The following TEAD4 variants were observed in gnomAD, a reference collection of about 807,000 sequenced individuals.
TEAD4 encodes TEA domain transcription factor 4, also known as transcriptional enhancer factor TEF-3.
A neutral mutation model predicts 52.4 loss-of-function variants in TEAD4; 36 were observed. That is an observed-to-expected ratio of 0.69 (90% CI 0.53 to 0.91). TEAD4 has a LOEUF of 0.91. Ranked by LOEUF, TEAD4 falls within the 40% of genes least tolerant of loss-of-function variation. TEAD4 has a pLI of 0.00. For missense variants in TEAD4, 508 were observed against 583.9 expected (o/e 0.87, Z 1.34); for synonymous variants, 220 against 231.0 (o/e 0.95, Z 0.43).
At chr12:2,963,430 A>G (rs1003892081) in intron 2 of TEAD4, among the ~76,000 whole-genome samples, 3 of 152,128 alleles carry the variant, frequency 2.0e-5, no homozygotes, top group Non-Finnish European at 4.4e-5. Flanking sequence ...CTTTGCCCCC[A>G]TGACCCTTTG....
intron 10 of TEAD4, among the ~76,000 whole-genome samples, chr12:3,034,365 G>A (rs142406621): frequency 1.3e-5 from 2 of 152,250 alleles, no homozygotes; most frequent in African/African-American, 4.8e-5. Context: ...GTGAACAGCC[G>A]CCTGCAACCT....
chr12:2,985,411 ACC>A (rs2098237403), intron 2 of TEAD4, among the ~76,000 whole-genome samples: 1 of 150,676 alleles, frequency 6.6e-6, no homozygotes, highest in South Asian at 2.1e-4. Flanking sequence ...AAAAAACAAA[ACC>A]CAAAAACGCA....
chr12:3,036,472 T>C (rs958243523), intron 10 of TEAD4, among the ~76,000 whole-genome samples: 37 of 152,190 alleles, frequency 2.4e-4, no homozygotes, highest in African/African-American at 8.7e-4. Context: ...GTAGAATTGC[T>C]TGGTGCCTGG....
chr12:3,035,640 C>T lies in TEAD4; in HGVS notation c.898-2328C>T, dbSNP rs145581056. On this transcript the variant is annotated intron_variant, in intron 10 of 12. Coordinates refer to ENST00000359864, the MANE Select transcript of TEAD4 (RefSeq NM_003213.4). ...AGTTTGAGACCAGCCTAGGAAACAG[C>T]GAGACCCTGCCTCTACAAAAAATTT... Among the ~76,000 whole-genome samples, 127 of 151,992 alleles carry T rather than the reference C, an allele frequency of 8.4e-4. No individual in the cohort carries two copies. In the East Asian group the frequency reaches 0.02, roughly 24 times the overall value.
At chr12:2,967,065 T>C (rs923718802) in intron 2 of TEAD4, among the ~76,000 whole-genome samples, 7 of 152,144 alleles carry the variant, frequency 4.6e-5, no homozygotes, top group African/African-American at 1.7e-4. Flanking sequence ...GAACCAGGGT[T>C]CAAAATCATC....
chr12:2,976,546 T>G (rs1009991170), intron 2 of TEAD4, among the ~76,000 whole-genome samples: 1 of 152,182 alleles, frequency 6.6e-6, no homozygotes, highest in Non-Finnish European at 1.5e-5. Flanking sequence ...CATCACAGCT[T>G]TGTCCAGAGG....
At position 3,021,712 on chromosome 12, in the gene TEAD4, C is replaced by T; in HGVS notation, c.724-132C>T. ...GTAGACTTTTACCATCTCTATTTTA[C>T]TCATGGGGAAACTATGGCCCAGAAA... On this transcript the variant is annotated intron_variant, in intron 9 of 12. Coordinates refer to ENST00000359864, the MANE Select transcript of TEAD4 (RefSeq NM_003213.4). 1.3e-5 allele frequency: 11 copies of T among 837,516 alleles called. 2 individuals are homozygous for T. The South Asian group carries it at 1.8e-4, about 14-fold the overall frequency. 51.9% of individuals were successfully genotyped at this position (837,516 alleles called of 1,614,324 possible). A position where few individuals can be genotyped will look rare whatever the true frequency, so the allele number is the denominator to read the frequency against.
At chr12:2,999,998 C>T (rs1431040365) in intron 3 of TEAD4, among the ~76,000 whole-genome samples, 5 of 152,188 alleles carry the variant, frequency 3.3e-5, no homozygotes, top group Admixed American at 2.6e-4. Flanking sequence ...CTCTGCTTCT[C>T]CCCTCCTGTG....
chr12:2,988,508 CAAA>C (rs35233597), intron 2 of TEAD4, among the ~76,000 whole-genome samples: 26 of 131,240 alleles, frequency 2.0e-4, no homozygotes, highest in African/African-American at 1.2e-4. Flanking sequence ...AAAAAAAGCT[CAAA>C]AAAAAAAAAA....
intron 8 of TEAD4, 102 bp from the exon 9 acceptor site, chr12:3,020,532 G>T: frequency 7.4e-7 from 1 of 1,358,268 alleles, no homozygotes. Flanking sequence ...GGTCCCCCCA[G>T]GCAGCACGGG....
intron 10 of TEAD4, among the ~76,000 whole-genome samples, chr12:3,033,539 C>T (rs1181502550): frequency 2.0e-5 from 3 of 152,338 alleles, no homozygotes; most frequent in African/African-American, 7.2e-5. Flanking sequence ...TACCCCAGGC[C>T]TTCCTCCCAT....
rs182380546 is a variant in TEAD4 at position 2,988,342 on chromosome 12, G to A, written c.-29-6396G>A. Among the ~76,000 whole-genome samples, 449 of 151,746 alleles carry A rather than the reference G, an allele frequency of 3.0e-3. 1 individual carries two copies. Among genetic ancestry groups the A allele is most frequent in the Non-Finnish European group, 2.8e-3 (193 of 67,924 alleles). On this transcript the variant is annotated intron_variant, in intron 2 of 12. Coordinates refer to ENST00000359864, the MANE Select transcript of TEAD4 (RefSeq NM_003213.4). ...AGCCTGGCCAACATGGCGAAACCCC[G>A]TCCCTACTAAAAATACAAATGCAAA...
chr12:3,003,103 C>T (rs2098252976), intron 3 of TEAD4, among the ~76,000 whole-genome samples: 1 of 152,124 alleles, frequency 6.6e-6, no homozygotes, highest in Admixed American at 6.5e-5. Flanking sequence ...TGTGCCCAGC[C>T]TCCTCTCCCT....
At chr12:2,974,031 G>T (rs949701063) in intron 2 of TEAD4, among the ~76,000 whole-genome samples, 1 of 151,978 alleles carries the variant, frequency 6.6e-6, no homozygotes, top group Admixed American at 6.5e-5. Flanking sequence ...TTTCTGAGAC[G>T]GAGTCTCACT....
chr12:3,024,136 G>A (rs1432478331), intron 10 of TEAD4, among the ~76,000 whole-genome samples: 5 of 151,434 alleles, frequency 3.3e-5, no homozygotes, highest in African/African-American at 7.3e-5. Flanking sequence ...GTGCAGTGGC[G>A]TGATCTTGGC....
intron 2 of TEAD4, chr12:2,960,251 G>A: frequency 1.0e-6 from 1 of 978,248 alleles, no homozygotes; most frequent in East Asian, 1.1e-4. Context: ...GTGTGGAAAG[G>A]ACCGGAGAGG....
At chr12:2,978,791 T>G (rs2098231905) in intron 2 of TEAD4, among the ~76,000 whole-genome samples, 1 of 152,216 alleles carries the variant, frequency 6.6e-6, no homozygotes. Flanking sequence ...TGGATTTGCA[T>G]ATTCTCAGTA....
At chr12:2,961,880 G>GC (rs1430436340) in intron 2 of TEAD4, among the ~76,000 whole-genome samples, 1 of 152,058 alleles carries the variant, frequency 6.6e-6, no homozygotes, top group African/African-American at 2.4e-5. Context: ...CATGAATCGA[G>GC]CATTTACTGT....
chr12:2,986,314 T>G (rs980636595), intron 2 of TEAD4, among the ~76,000 whole-genome samples: 1 of 151,820 alleles, frequency 6.6e-6, no homozygotes, highest in Non-Finnish European at 1.5e-5. Context: ...CAGTAATTTT[T>G]TTTTTACAAG....
Sources: allele counts gnomAD v4.1 joint callset (sites outside exome capture counted in the v4.1 genomes callset), GRCh38; gene constraint gnomAD v4.1.1; transcripts MANE v1.5; gene names NCBI Gene and HGNC (gene_info 2026-07-23, HGNC 2026-07-21).